The following ERP44 variants were observed in gnomAD, a reference collection of about 807,000 sequenced individuals.
The protein encoded by ERP44 is endoplasmic reticulum protein 44.
In ERP44, 25 loss-of-function variants were observed where a neutral mutation model predicts 53.4. The ratio of observed to expected loss-of-function variants is 0.47; its 90% CI spans 0.34 to 0.65. The LOEUF is 0.65. Ranked by LOEUF, ERP44 falls within the 30% of genes least tolerant of loss-of-function variation. ERP44 has a pLI of 0.01. For synonymous variants in ERP44, 145 were observed against 161.2 expected, an observed-to-expected ratio of 0.90 and a Z score of 0.76; for missense variants, 338 against 493.2, an observed-to-expected ratio of 0.69 and a Z score of 2.98.
chr9:100,097,274 C>A (rs572955592), intron 1 of ERP44, among the ~76,000 whole-genome samples: 3 of 152,230 alleles, frequency 2.0e-5, no homozygotes, highest in African/African-American at 7.2e-5. Flanking sequence ...CCAAACCATA[C>A]CATTTGAGGA....
At chr9:100,085,401 TTAAA>T (rs1826469158) in intron 1 of ERP44, among the ~76,000 whole-genome samples, 1 of 152,226 alleles carries the variant, frequency 6.6e-6, no homozygotes, top group Non-Finnish European at 1.5e-5. Flanking sequence ...AATAGATTTG[TTAAA>T]TCCCCAGTTT....
intron 6 of ERP44, among the ~76,000 whole-genome samples, chr9:100,018,959 G>T (rs1487378107): frequency 1.3e-5 from 2 of 152,266 alleles, no homozygotes; most frequent in African/African-American, 4.8e-5. Flanking sequence ...CTTTGTACCA[G>T]CTATGGTCTT....
rs1463529227 is a variant in ERP44 at position 99,980,647 on chromosome 9, A to T, written c.*1965T>A. 6.6e-6 allele frequency: 1 copy of T among 152,226 alleles called. No homozygotes were observed. Among genetic ancestry groups the T allele is most frequent in the African/African-American group, 2.4e-5 (1 of 41,460 alleles). The allele number at this position is 152,226 out of a possible 1,614,324, so 9.4% of individuals were successfully genotyped here. A position where few individuals can be genotyped will look rare whatever the true frequency, so the allele number is the denominator to read the frequency against. On this transcript the variant is annotated 3_prime_UTR_variant, in exon 12 of 12. Coordinates refer to ENST00000262455, the MANE Select transcript of ERP44 (RefSeq NM_015051.3). Reference sequence around the variant, plus strand: ...TTCATTAAATAAACGCCTGATGGTGACTACTAAGTGTCCAGAAATTCTAGG... The same window carrying T: ...TTCATTAAATAAACGCCTGATGGTGTCTACTAAGTGTCCAGAAATTCTAGG...
At chr9:100,042,051 G>C (rs534656343) in intron 4 of ERP44, among the ~76,000 whole-genome samples, 15 of 152,232 alleles carry the variant, frequency 9.9e-5, no homozygotes, top group African/African-American at 3.6e-4. Context: ...TAAATAAATG[G>C]ACAAATGGGA....
At chr9:100,078,141 T>C (rs1050825140) in intron 1 of ERP44, among the ~76,000 whole-genome samples, 1 of 152,228 alleles carries the variant, frequency 6.6e-6, no homozygotes, top group South Asian at 2.1e-4. Context: ...CGTTTGTGCA[T>C]GTATGTATAC....
intron 10 of ERP44, among the ~76,000 whole-genome samples, chr9:99,991,904 C>A (rs577497609): frequency 6.6e-6 from 1 of 152,172 alleles, no homozygotes; most frequent in Non-Finnish European, 1.5e-5. Flanking sequence ...TGCAAATAAA[C>A]TAGAAAATCT....
chr9:100,051,485 C>G (rs533555341), intron 4 of ERP44, among the ~76,000 whole-genome samples: 3 of 152,278 alleles, frequency 2.0e-5, no homozygotes, highest in Non-Finnish European at 2.9e-5. Flanking sequence ...ACAAATAACT[C>G]AATGCAATAG....
chr9:100,065,430 T>C (rs911085898), intron 1 of ERP44, among the ~76,000 whole-genome samples: 6 of 152,134 alleles, frequency 3.9e-5, no homozygotes, highest in African/African-American at 1.2e-4. Flanking sequence ...CATCATGCCA[T>C]GCGTGACTGT....
chr9:100,010,727 CT>C (rs1338962560), intron 8 of ERP44, among the ~76,000 whole-genome samples: 1 of 151,890 alleles, frequency 6.6e-6, no homozygotes, highest in African/African-American at 2.4e-5. Flanking sequence ...ATGGTGAAAC[CT>C]TGTCTCTACT....
At chr9:100,072,525 C>A (rs1015062645) in intron 1 of ERP44, among the ~76,000 whole-genome samples, 2 of 152,096 alleles carry the variant, frequency 1.3e-5, no homozygotes, top group Non-Finnish European at 2.9e-5. Flanking sequence ...CTCTAACTCT[C>A]TCTTTTCTTC....
Position 99,985,079 on chromosome 9 carries a change from G to C in ERP44, c.1017-10C>G, listed in dbSNP as rs1446536996. On this transcript the variant is annotated splice_polypyrimidine_tract_variant and intron_variant, in intron 10 of 11. Transcript: ENST00000262455. ...GAGTTTTCCAGGAATTCTAAAACCA[G>C]AGTCAAATAAAATGTAAACTGTTAA... The C allele has an allele frequency of 6.4e-7, 1 of 1,558,092 alleles. No individual in the cohort carries two copies. The highest frequency in any genetic ancestry group is 1.1e-5 in the South Asian group (1 of 89,608).
At chr9:99,996,944 T>TAC (rs200014739) in intron 10 of ERP44, among the ~76,000 whole-genome samples, 2 of 148,798 alleles carry the variant, frequency 1.3e-5, no homozygotes, top group Non-Finnish European at 2.9e-5. Context: ...CACATACATA[T>TAC]ACACACACAC....
At chr9:100,006,483 T>TA in intron 10 of ERP44, 23 bp downstream of exon 10, 1 of 1,570,258 alleles carries the variant, frequency 6.4e-7, no homozygotes, top group Non-Finnish European at 8.7e-7. Context: ...CAGTAATTTT[T>TA]AAAAAACAAA....
In ERP44 at chr9:99,981,189, C is replaced by T. The variant is rs948281759; in HGVS notation, c.*1423G>A. 1.3e-5 allele frequency: 2 copies of T among 152,188 alleles called. No homozygotes were observed. The highest frequency in any genetic ancestry group is 2.4e-5 in the African/African-American group (1 of 41,422). 9.4% of individuals were successfully genotyped at this position (152,188 alleles called of 1,614,324 possible). A position where few individuals can be genotyped will look rare whatever the true frequency, so the allele number is the denominator to read the frequency against. ...TTCTTATTCACAATTTGATACAATACATTAAATATACCCCTTATCACCTTA... is the reference window on the plus strand; with the variant it reads ...TTCTTATTCACAATTTGATACAATATATTAAATATACCCCTTATCACCTTA... On this transcript the variant is annotated 3_prime_UTR_variant, in exon 12 of 12. Coordinates refer to ENST00000262455, the MANE Select transcript of ERP44 (RefSeq NM_015051.3).
intron 1 of ERP44, among the ~76,000 whole-genome samples, chr9:100,063,527 T>TTAAGTAA (rs1826178656): frequency 1.3e-5 from 2 of 152,190 alleles, no homozygotes; most frequent in African/African-American, 2.4e-5. Flanking sequence ...TGTCAAATGC[T>TTAAGTAA]ATAGTGCTTA....
intron 3 of ERP44, among the ~76,000 whole-genome samples, chr9:100,054,371 A>C (rs1554709377): frequency 6.6e-6 from 1 of 152,148 alleles, no homozygotes; most frequent in Non-Finnish European, 1.5e-5. Flanking sequence ...TTCTTGAAAA[A>C]TTTAGATCTG....
intron 10 of ERP44, among the ~76,000 whole-genome samples, chr9:99,996,792 A>G (rs1830313525): frequency 6.6e-6 from 1 of 152,132 alleles, no homozygotes. Context: ...TTGGTTTTCC[A>G]TTCCTGAGTT....
At chr9:100,030,510 T>G (rs1323334329) in intron 4 of ERP44, among the ~76,000 whole-genome samples, 1 of 152,154 alleles carries the variant, frequency 6.6e-6, no homozygotes, top group Non-Finnish European at 1.5e-5. Flanking sequence ...TGGTGGAACT[T>G]GGGTTCAAGG....
chr9:100,091,565 T>G lies in ERP44; in HGVS notation c.57+7219A>C, dbSNP rs10988970. Among the ~76,000 whole-genome samples the G allele has an allele frequency of 6.2e-4, 94 of 152,314 alleles. No individual in the cohort carries two copies. In the East Asian group the frequency reaches 0.018, roughly 28 times the overall value. ...TAAAAATAAAACAATAAAAAACAAG[T>G]ATTCAATTGATAGAAAAGATTTACT... On this transcript the variant is annotated intron_variant, in intron 1 of 11. Transcript: ENST00000262455.
Sources: gnomAD v4.1 joint callset for allele counts (sites outside exome capture counted in the v4.1 genomes callset) on GRCh38, gnomAD v4.1.1 for gene constraint, MANE v1.5 for transcripts, NCBI Gene and HGNC (gene_info 2026-07-23, HGNC 2026-07-21) for gene names.